CADPS2: variants seen among roughly 807,000 people sequenced by gnomAD.
The protein encoded by CADPS2 is calcium-dependent secretion activator 2.
In CADPS2, 93 loss-of-function variants were observed where a neutral mutation model predicts 172.5. The observed-to-expected ratio is 0.54, with a 90% confidence interval of 0.46 to 0.64. The LOEUF (loss-of-function observed/expected upper bound fraction) is 0.64. CADPS2 is among the 30% of genes least tolerant of loss of function. CADPS2 has a pLI of 0.00. For missense variants in CADPS2, 1,420 were observed against 1,565.9 expected (o/e 0.91, Z 1.57); for synonymous variants, 546 against 555.2 (o/e 0.98, Z 0.23).
intron 1 of CADPS2, among the ~76,000 whole-genome samples, chr7:122,834,794 G>T (rs911848241): frequency 6.6e-6 from 1 of 152,168 alleles, no homozygotes; most frequent in Non-Finnish European, 1.5e-5. Flanking sequence ...CTGGAAGCTC[G>T]AACTGGGTGG....
At chr7:122,711,405 A>G (rs1411219541) in intron 2 of CADPS2, among the ~76,000 whole-genome samples, 1 of 152,136 alleles carries the variant, frequency 6.6e-6, no homozygotes, top group Non-Finnish European at 1.5e-5. Context: ...AGCCCCAAAG[A>G]GTCATTATTA....
At chr7:122,817,258 G>C (rs1309441104) in intron 1 of CADPS2, among the ~76,000 whole-genome samples, 1 of 152,168 alleles carries the variant, frequency 6.6e-6, no homozygotes, top group Non-Finnish European at 1.5e-5. Flanking sequence ...CCATGAGAAA[G>C]ATCCACCTAC....
At chr7:122,674,021 G>A (rs936009008) in intron 2 of CADPS2, among the ~76,000 whole-genome samples, 1 of 152,140 alleles carries the variant, frequency 6.6e-6, no homozygotes, top group East Asian at 1.9e-4. Flanking sequence ...GGCTCGGGCG[G>A]GCTGGCAGTA....
intron 2 of CADPS2, among the ~76,000 whole-genome samples, chr7:122,719,769 A>G (rs956070170): frequency 2.0e-5 from 3 of 152,152 alleles, no homozygotes; most frequent in African/African-American, 7.2e-5. Context: ...CAGTATATAA[A>G]GAATTAAATA....
chr7:122,679,931 G>T (rs1005807924), intron 2 of CADPS2, among the ~76,000 whole-genome samples: 1 of 152,194 alleles, frequency 6.6e-6, no homozygotes, highest in African/African-American at 2.4e-5. Context: ...GTTTTAGAGA[G>T]GGACTATTAT....
At chr7:122,375,247 C>T (rs994488162) in intron 25 of CADPS2, among the ~76,000 whole-genome samples, 12 of 152,054 alleles carry the variant, frequency 7.9e-5, no homozygotes, top group Non-Finnish European at 1.3e-4. Flanking sequence ...ATAACCAAAA[C>T]AATTCCGAGC....
At chr7:122,697,191 A>G (rs186288752) in intron 2 of CADPS2, among the ~76,000 whole-genome samples, 31 of 152,264 alleles carry the variant, frequency 2.0e-4, no homozygotes, top group Middle Eastern at 3.4e-3. Context: ...ATTTCACTAT[A>G]CAGATGCATA....
intron 11 of CADPS2, among the ~76,000 whole-genome samples, chr7:122,486,151 G>T (rs971977936): frequency 6.6e-6 from 1 of 152,116 alleles, no homozygotes; most frequent in African/African-American, 2.4e-5. Context: ...CCATTCTGCA[G>T]CCCACAGATC....
At chr7:122,767,549 G>A (rs1255456819) in intron 1 of CADPS2, among the ~76,000 whole-genome samples, 1 of 152,118 alleles carries the variant, frequency 6.6e-6, no homozygotes, top group African/African-American at 2.4e-5. Flanking sequence ...AAAGTCAATA[G>A]TTGAGAGGCA....
intron 2 of CADPS2, among the ~76,000 whole-genome samples, chr7:122,664,342 T>A (rs1482001602): frequency 1.3e-5 from 2 of 152,128 alleles, no homozygotes; most frequent in Non-Finnish European, 2.9e-5. Flanking sequence ...CACACACTTA[T>A]CATAACTAGA....
chr7:122,512,449 G>A (rs937383645), intron 9 of CADPS2, among the ~76,000 whole-genome samples: 3 of 152,092 alleles, frequency 2.0e-5, no homozygotes, highest in African/African-American at 4.8e-5. Flanking sequence ...CTATTACTTA[G>A]AAGGGTATTC....
chr7:122,569,415 G>A (rs1477140232), intron 7 of CADPS2, among the ~76,000 whole-genome samples: 5 of 151,910 alleles, frequency 3.3e-5, no homozygotes, highest in South Asian at 2.1e-4. Context: ...TTCCATGCTC[G>A]TGGATAGGAA....
intron 1 of CADPS2, among the ~76,000 whole-genome samples, chr7:122,831,522 T>C (rs113677290): frequency 6.6e-6 from 1 of 152,226 alleles, no homozygotes. Context: ...TATCCCCAAA[T>C]GGGGAAGTAC....
At chr7:122,432,082 C>T (rs1000915541) in intron 17 of CADPS2, among the ~76,000 whole-genome samples, 1 of 151,566 alleles carries the variant, frequency 6.6e-6, no homozygotes, top group African/African-American at 2.4e-5. Flanking sequence ...TAATCTTTGG[C>T]TTTTGTGACG....
intron 6 of CADPS2, among the ~76,000 whole-genome samples, chr7:122,592,125 T>C (rs181077670): frequency 0.056 from 8,431 of 151,824 alleles, 259 homozygotes; most frequent in South Asian, 0.1. Flanking sequence ...TACAAAGAAC[T>C]CAAACAAATT....
intron 6 of CADPS2, among the ~76,000 whole-genome samples, chr7:122,607,981 G>T (rs886242739): frequency 6.6e-6 from 1 of 152,056 alleles, no homozygotes; most frequent in African/African-American, 2.4e-5. Context: ...CACTTTGGGA[G>T]GGCGAGGTGG....
chr7:122,723,496 T>A (rs2090720750), intron 2 of CADPS2, among the ~76,000 whole-genome samples: 1 of 152,160 alleles, frequency 6.6e-6, no homozygotes, highest in Admixed American at 6.5e-5. Flanking sequence ...TCAAACCAGT[T>A]AGAATGGCAA....
At chr7:122,643,226 A>G (rs1042745572) in intron 3 of CADPS2, among the ~76,000 whole-genome samples, 14 of 152,372 alleles carry the variant, frequency 9.2e-5, no homozygotes, top group African/African-American at 3.4e-4. Context: ...CACGGCCTCA[A>G]AACAATGGTC....
chr7:122,405,482 G>A (rs1466043160), intron 20 of CADPS2, among the ~76,000 whole-genome samples: 3 of 152,110 alleles, frequency 2.0e-5, no homozygotes, highest in African/African-American at 7.2e-5. Context: ...GGTGAACATG[G>A]TGGAACCCCG....
Sources: gnomAD v4.1 joint callset for allele counts (sites outside exome capture counted in the v4.1 genomes callset) on GRCh38, gnomAD v4.1.1 for gene constraint, MANE v1.5 for transcripts, NCBI Gene and HGNC (gene_info 2026-07-23, HGNC 2026-07-21) for gene names.